WDFY2: variants seen among roughly 807,000 people sequenced by gnomAD.
WDFY2 encodes WD repeat and FYVE domain-containing protein 2.
A neutral mutation model predicts 56.4 loss-of-function variants in WDFY2; 36 were observed. The ratio of observed to expected loss-of-function variants is 0.64; its 90% confidence interval spans 0.49 to 0.84. WDFY2 has a LOEUF of 0.84. Ranked by LOEUF, WDFY2 falls within the 40% of genes least tolerant of loss-of-function variation. The pLI is 0.00. For missense variants in WDFY2, 444 were observed against 512.2 expected (o/e 0.87, Z 1.29); for synonymous variants, 176 against 183.7 (o/e 0.96, Z 0.34).
chr13:51,676,867 C>T (rs1447805137), intron 3 of WDFY2, among the ~76,000 whole-genome samples: 1 of 152,110 alleles, frequency 6.6e-6, no homozygotes, highest in Non-Finnish European at 1.5e-5. Context: ...CTGAAGTGTT[C>T]ATTACAAAGG....
rs74600770 is a variant in WDFY2 at position 51,716,210 on chromosome 13, G to A, written c.335-2988G>A. 5.0e-3 allele frequency among the ~76,000 whole-genome samples: 754 copies of A among 152,270 alleles called. 5 individuals are homozygous for A. The highest frequency in any genetic ancestry group is 0.014 in the African/African-American group (591 of 41,542). ...GAAAGATAATAGATTAGTGTTTTCC[G>A]AGGATGAGGGAAGTGGGAGTTGGGA... On this transcript the variant is annotated intron_variant, in intron 4 of 11. Transcript: ENST00000298125.
intron 1 of WDFY2, among the ~76,000 whole-genome samples, chr13:51,629,694 A>T (rs1475811653): frequency 6.6e-6 from 1 of 152,130 alleles, no homozygotes; most frequent in Non-Finnish European, 1.5e-5. Flanking sequence ...ATCAAGTTGA[A>T]ATAATTCTAA....
intron 3 of WDFY2, among the ~76,000 whole-genome samples, chr13:51,691,723 A>G (rs1254955746): frequency 2.6e-5 from 4 of 151,934 alleles, no homozygotes; most frequent in Middle Eastern, 3.2e-3. Flanking sequence ...GTTTTTTCCA[A>G]TTCTGTGAAG....
chr13:51,733,110 AC>A (rs1310072888), intron 6 of WDFY2, among the ~76,000 whole-genome samples: 1 of 152,196 alleles, frequency 6.6e-6, no homozygotes, highest in Admixed American at 6.5e-5. Flanking sequence ...ATCTCAGCTC[AC>A]TGCAACCTCC....
intron 3 of WDFY2, among the ~76,000 whole-genome samples, chr13:51,686,330 A>G (rs1956062452): frequency 6.6e-6 from 1 of 152,110 alleles, no homozygotes; most frequent in African/African-American, 2.4e-5. Flanking sequence ...AGGTCTTGGC[A>G]CTCAGTAAGC....
chr13:51,715,990 T>C lies in WDFY2; in HGVS notation c.335-3208T>C, dbSNP rs146191378. Among the ~76,000 whole-genome samples, 379 of 152,238 alleles carry C rather than the reference T, an allele frequency of 2.5e-3. 1 individual carries two copies. The highest frequency in any genetic ancestry group is 4.6e-3 in the Non-Finnish European group (312 of 68,012). The stretch of plus-strand genomic sequence containing the variant: ...AAAATGGAAATAACCTCAATGTCCA[T>C]CAGTGATGAATGGATAAACAAAATG... On this transcript the variant is annotated intron_variant, in intron 4 of 11. Transcript: ENST00000298125.
At chr13:51,633,757 C>A (rs1470648457) in intron 1 of WDFY2, among the ~76,000 whole-genome samples, 1 of 152,138 alleles carries the variant, frequency 6.6e-6, no homozygotes, top group Non-Finnish European at 1.5e-5. Context: ...TTTAAACCAC[C>A]TGAAGTTTTT....
At chr13:51,702,360 C>T (rs907503825) in intron 3 of WDFY2, among the ~76,000 whole-genome samples, 10 of 151,572 alleles carry the variant, frequency 6.6e-5, no homozygotes, top group African/African-American at 2.4e-4. Context: ...GTAGGTCTAA[C>T]TCTTCCAAAA....
At chr13:51,724,526 C>T (rs1444467825) in intron 5 of WDFY2, among the ~76,000 whole-genome samples, 2 of 152,136 alleles carry the variant, frequency 1.3e-5, no homozygotes, top group Non-Finnish European at 1.5e-5. Flanking sequence ...CGTGAGCCAT[C>T]GCACCCAGCC....
intron 4 of WDFY2, among the ~76,000 whole-genome samples, chr13:51,709,798 C>T (rs907434557): frequency 1.2e-4 from 19 of 152,034 alleles, no homozygotes; most frequent in Non-Finnish European, 2.4e-4. Flanking sequence ...AATTAATAGG[C>T]TACCAACCAA....
intron 1 of WDFY2, among the ~76,000 whole-genome samples, chr13:51,605,108 G>A (rs984774783): frequency 3.3e-5 from 5 of 152,232 alleles, no homozygotes; most frequent in African/African-American, 2.4e-5. Flanking sequence ...AGAATGCCGC[G>A]GAAGCTGGCA....
chr13:51,605,957 A>G (rs1209174262), intron 1 of WDFY2, among the ~76,000 whole-genome samples: 1 of 152,216 alleles, frequency 6.6e-6, no homozygotes, highest in Non-Finnish European at 1.5e-5. Flanking sequence ...TCATTCTAAC[A>G]TCAATCGCAG....
chr13:51,600,949 C>A (rs1040582770), intron 1 of WDFY2, among the ~76,000 whole-genome samples: 5 of 152,120 alleles, frequency 3.3e-5, no homozygotes, highest in African/African-American at 9.7e-5. Context: ...TTTCTCATTG[C>A]TTTATTTGCT....
intron 1 of WDFY2, among the ~76,000 whole-genome samples, chr13:51,608,776 T>C (rs981420452): frequency 1.3e-5 from 2 of 152,256 alleles, no homozygotes; most frequent in Non-Finnish European, 2.9e-5. Context: ...TTCAACTTGC[T>C]TATTTAATTA....
chr13:51,739,705 G>A (rs1952923838), intron 7 of WDFY2, among the ~76,000 whole-genome samples: 1 of 152,184 alleles, frequency 6.6e-6, no homozygotes, highest in African/African-American at 2.4e-5. Flanking sequence ...GAAGTACAGA[G>A]AAAGCCTTGC....
At chr13:51,649,021 C>T (rs958041642) in intron 1 of WDFY2, among the ~76,000 whole-genome samples, 4 of 152,150 alleles carry the variant, frequency 2.6e-5, no homozygotes, top group Non-Finnish European at 5.9e-5. Flanking sequence ...GTGGCATGCA[C>T]GTGTAATCCC....
At chr13:51,590,114 A>G (rs1461299241) in intron 1 of WDFY2, 1 of 152,206 alleles carries the variant, frequency 6.6e-6, no homozygotes, top group East Asian at 1.9e-4. Flanking sequence ...ATTAAACCAG[A>G]GTCTGTCCAG....
rs1953728222 is a variant in WDFY2, at chr13:51,765,803, G to GAT, written c.*6035_*6036dup. 6.6e-6 allele frequency: 1 copy of GAT among 152,130 alleles called. No individual in the cohort carries two copies. The highest frequency in any genetic ancestry group is 6.5e-5 in the Admixed American group (1 of 15,278). 9.4% of individuals were successfully genotyped at this position (152,130 alleles called of 1,614,324 possible). On this transcript the variant is annotated 3_prime_UTR_variant, in exon 12 of 12. Coordinates refer to ENST00000298125, the MANE Select transcript of WDFY2 (RefSeq NM_052950.4). ...TAGGGCAAAAAAAATTCTTTTTAAAGATGGTAAGGGTGGAAATTAATCATG... is the reference window on the plus strand; with the variant it reads ...TAGGGCAAAAAAAATTCTTTTTAAAGATATGGTAAGGGTGGAAATTAATCATG...
At chr13:51,595,267 G>A (rs570165430) in intron 1 of WDFY2, among the ~76,000 whole-genome samples, 1 of 152,296 alleles carries the variant, frequency 6.6e-6, no homozygotes, top group East Asian at 1.9e-4. Context: ...CTTAGGGAAG[G>A]ATAAAAGTTT....
Sources: gnomAD v4.1 joint callset for allele counts (sites outside exome capture counted in the v4.1 genomes callset) on GRCh38, gnomAD v4.1.1 for gene constraint, MANE v1.5 for transcripts, NCBI Gene and HGNC (gene_info 2026-07-23, HGNC 2026-07-21) for gene names.